The following PCDH15 variants were observed in gnomAD, a reference collection of about 807,000 sequenced individuals.
PCDH15 encodes protocadherin-15.
A neutral mutation model predicts 178.5 loss-of-function variants in PCDH15; 129 were observed. The ratio of observed to expected loss-of-function variants is 0.72; its 90% CI spans 0.63 to 0.84. The LOEUF (loss-of-function observed/expected upper bound fraction) is 0.84. Among genes scored for constraint, PCDH15 ranks in the 40% least tolerant of loss-of-function variants. The pLI is 0.00. For synonymous variants in PCDH15, 800 were observed against 732.0 expected (o/e 1.09, Z -1.50); for missense variants, 2,230 against 2,099.9 (o/e 1.06, Z -1.21).
intron 1 of PCDH15, among the ~76,000 whole-genome samples, chr10:54,764,715 C>T (rs1034775556): frequency 6.6e-6 from 1 of 151,994 alleles, no homozygotes; most frequent in Middle Eastern, 3.2e-3. Flanking sequence ...AGGATCAATT[C>T]AAAATGGTCC....
intron 21 of PCDH15, among the ~76,000 whole-genome samples, chr10:53,966,200 C>T (rs1041357957): frequency 2.0e-5 from 3 of 152,116 alleles, no homozygotes; most frequent in African/African-American, 4.8e-5. Context: ...ATATACCACA[C>T]CATCATGAAA....
chr10:54,907,734 T>C (rs1243008475), intron 2 of PCDH15, among the ~76,000 whole-genome samples: 4 of 152,182 alleles, frequency 2.6e-5, no homozygotes, highest in African/African-American at 9.7e-5. Context: ...GAGGTATATG[T>C]GTGATATTGC....
At chr10:54,989,664 G>A (rs1296322112) in intron 2 of PCDH15, among the ~76,000 whole-genome samples, 1 of 152,174 alleles carries the variant, frequency 6.6e-6, no homozygotes, top group Non-Finnish European at 1.5e-5. Context: ...ATTGAAATGG[G>A]TAATTTATTT....
intron 2 of PCDH15, among the ~76,000 whole-genome samples, chr10:54,578,483 C>T (rs866641623): frequency 2.0e-5 from 3 of 151,912 alleles, no homozygotes; most frequent in Non-Finnish European, 4.4e-5. Context: ...AACTCATCTC[C>T]TAAGGTTTAA....
At chr10:55,609,027 C>T (rs1843298364) in intron 2 of PCDH15, among the ~76,000 whole-genome samples, 1 of 151,624 alleles carries the variant, frequency 6.6e-6, no homozygotes, top group Admixed American at 6.6e-5. Context: ...CACACACACA[C>T]ACACACACAC....
intron 2 of PCDH15, among the ~76,000 whole-genome samples, chr10:55,070,384 T>C (rs1302888566): frequency 6.6e-6 from 1 of 151,296 alleles, no homozygotes; most frequent in Non-Finnish European, 1.5e-5. Context: ...AATGCCTAGG[T>C]TTTCTTCTAG....
intron 2 of PCDH15, among the ~76,000 whole-genome samples, chr10:55,079,211 C>T (rs755317397): frequency 2.0e-5 from 3 of 152,096 alleles, no homozygotes; most frequent in Non-Finnish European, 4.4e-5. Flanking sequence ...TATCTATGCA[C>T]CTGTTGTAAT....
At chr10:54,022,741 T>G in intron 19 of PCDH15, 151 bp downstream of exon 19, 1 of 797,898 alleles carries the variant, frequency 1.3e-6, no homozygotes, top group Non-Finnish European at 2.1e-6. Flanking sequence ...ATATGCAATA[T>G]TGGAGAAATA....
At chr10:54,682,323 C>T (rs2094915644) in intron 1 of PCDH15, among the ~76,000 whole-genome samples, 1 of 152,086 alleles carries the variant, frequency 6.6e-6, no homozygotes, top group South Asian at 2.1e-4. Context: ...TAGTAGCAAG[C>T]AATGAAACTT....
intron 2 of PCDH15, among the ~76,000 whole-genome samples, chr10:55,058,466 C>T (rs933043676): frequency 6.6e-6 from 1 of 152,062 alleles, no homozygotes; most frequent in Non-Finnish European, 1.5e-5. Flanking sequence ...TGTCTCGGCT[C>T]TCAAAGTGCT....
chr10:54,051,792 C>G (rs752137140), intron 18 of PCDH15, among the ~76,000 whole-genome samples: 1 of 152,140 alleles, frequency 6.6e-6, no homozygotes, highest in Non-Finnish European at 1.5e-5. Context: ...GCACAGCATC[C>G]TTTCCCATCA....
At chr10:55,263,048 A>G (rs1842185421) in intron 1 of PCDH15, among the ~76,000 whole-genome samples, 1 of 152,056 alleles carries the variant, frequency 6.6e-6, no homozygotes, top group Admixed American at 6.5e-5. Context: ...ATGCCCTGTG[A>G]TGGGGATGAG....
chr10:55,485,937 C>T (rs186904750), intron 2 of PCDH15, among the ~76,000 whole-genome samples: 3 of 151,684 alleles, frequency 2.0e-5, no homozygotes, highest in East Asian at 3.9e-4. Flanking sequence ...AGAACCAATC[C>T]GTAATAAAAA....
At chr10:55,345,780 GA>G (rs143014177) in intron 2 of PCDH15, among the ~76,000 whole-genome samples, 37,987 of 151,656 alleles carry the variant, frequency 0.25, 5,802 homozygotes, top group Admixed American at 0.35. Context: ...ACACTCTACT[GA>G]ATAAATTTCC....
chr10:55,103,889 T>C (rs1399809922), intron 2 of PCDH15, among the ~76,000 whole-genome samples: 1 of 152,136 alleles, frequency 6.6e-6, no homozygotes. Flanking sequence ...ACTGACAAGG[T>C]ACTTTCCTGA....
chr10:54,619,129 T>C (rs977262603), intron 2 of PCDH15: 5 of 149,776 alleles, frequency 3.3e-5, no homozygotes, highest in South Asian at 2.1e-4. Context: ...CATTTTATTT[T>C]ATAGGTTTAA....
At chr10:54,509,798 C>G (rs117927137) in intron 3 of PCDH15, among the ~76,000 whole-genome samples, 1,697 of 152,208 alleles carry the variant, frequency 0.011, 13 homozygotes, top group Non-Finnish European at 0.017. Context: ...TTCATCAATA[C>G]CCAATTTTAG....
intron 2 of PCDH15, among the ~76,000 whole-genome samples, chr10:55,463,961 GAAAGAAAGAAAGAGAA>G (rs1839755296): frequency 2.8e-5 from 1 of 35,216 alleles, no homozygotes; most frequent in Non-Finnish European, 4.5e-5. Flanking sequence ...AAGAAAGAAA[GAAAGAAAGAAAGAGAA>G]AGAAAGAAAG....
chr10:55,036,097 T>G (rs1398325030), intron 2 of PCDH15, among the ~76,000 whole-genome samples: 4 of 152,152 alleles, frequency 2.6e-5, no homozygotes, highest in African/African-American at 9.7e-5. Context: ...CTCTCATCAG[T>G]GGATTAATGG....
Sources: allele counts gnomAD v4.1 joint callset (sites outside exome capture counted in the v4.1 genomes callset), GRCh38; gene constraint gnomAD v4.1.1; transcripts MANE v1.5; gene names NCBI Gene and HGNC (gene_info 2026-07-23, HGNC 2026-07-21).